The following CLYBL variants were observed in gnomAD, a reference collection of about 807,000 sequenced individuals.
CLYBL encodes the protein citramalyl-CoA lyase, mitochondrial.
A neutral mutation model predicts 38.9 loss-of-function variants in CLYBL; 31 were observed. That is an observed-to-expected ratio of 0.80 (90% CI 0.60 to 1.08). The LOEUF (loss-of-function observed/expected upper bound fraction) is 1.08, where lower values mean the gene tolerates loss of function less well. CLYBL is among the 50% of genes least tolerant of loss of function. CLYBL has a pLI of 0.00. For missense variants in CLYBL, 434 were observed against 411.6 expected, an observed-to-expected ratio of 1.05 and a Z score of -0.47; for synonymous variants, 171 against 158.6, an observed-to-expected ratio of 1.08 and a Z score of -0.59.
intron 1 of CLYBL, among the ~76,000 whole-genome samples, chr13:99,648,084 A>C (rs59326249): frequency 0.043 from 6,592 of 152,234 alleles, 489 homozygotes; most frequent in African/African-American, 0.15. Flanking sequence ...ATGAGAAATG[A>C]AGTTGGCATG....
At chr13:99,788,194 T>C (rs544161033) in intron 2 of CLYBL, among the ~76,000 whole-genome samples, 5,850 of 152,222 alleles carry the variant, frequency 0.038, 353 homozygotes, top group African/African-American at 0.13. Flanking sequence ...CCTTTATTTC[T>C]TTCTCCTGCC....
At chr13:99,761,619 A>G (rs905338763) in intron 1 of CLYBL, among the ~76,000 whole-genome samples, 1 of 152,244 alleles carries the variant, frequency 6.6e-6, no homozygotes, top group Non-Finnish European at 1.5e-5. Context: ...ATAGGGTAGC[A>G]GTGAACATAG....
At chr13:99,742,440 A>G (rs1415371672) in intron 1 of CLYBL, among the ~76,000 whole-genome samples, 1 of 152,188 alleles carries the variant, frequency 6.6e-6, no homozygotes, top group Non-Finnish European at 1.5e-5. Flanking sequence ...TTACTTAAAA[A>G]CAAAACCAGA....
At chr13:99,820,751 T>G (rs753495785) in intron 2 of CLYBL, among the ~76,000 whole-genome samples, 3 of 152,204 alleles carry the variant, frequency 2.0e-5, no homozygotes, top group Non-Finnish European at 4.4e-5. Context: ...AGGTTTCGTG[T>G]GAACTCAGAT....
intron 1 of CLYBL, among the ~76,000 whole-genome samples, chr13:99,731,117 T>TGGAGA (rs1184152948): frequency 6.9e-6 from 1 of 145,340 alleles, no homozygotes; most frequent in African/African-American, 2.6e-5. Context: ...GGCGGGGGCT[T>TGGAGA]GGAGAGGAGA....
At chr13:99,611,360 G>T (rs1158209041) in intron 1 of CLYBL, among the ~76,000 whole-genome samples, 1 of 152,208 alleles carries the variant, frequency 6.6e-6, no homozygotes, top group East Asian at 1.9e-4. Flanking sequence ...TTTTGATCGA[G>T]TGGATTTGAA....
chr13:99,881,582 C>A (rs976749227), intron 7 of CLYBL, among the ~76,000 whole-genome samples: 4 of 151,572 alleles, frequency 2.6e-5, no homozygotes, highest in African/African-American at 9.7e-5. Flanking sequence ...GTCACCACAT[C>A]CAGTTAATTT....
chr13:99,811,403 C>T (rs916316828), intron 2 of CLYBL, among the ~76,000 whole-genome samples: 1 of 152,136 alleles, frequency 6.6e-6, no homozygotes, highest in African/African-American at 2.4e-5. Context: ...ACAGAGCTGG[C>T]GTGGCTCAGC....
At chr13:99,872,779 A>C (rs1235488791) in intron 7 of CLYBL, among the ~76,000 whole-genome samples, 4 of 152,210 alleles carry the variant, frequency 2.6e-5, no homozygotes, top group Non-Finnish European at 5.9e-5. Flanking sequence ...AGTAGCCAAC[A>C]AACAGAAGTC....
At chr13:99,632,886 T>C (rs2046965516) in intron 1 of CLYBL, among the ~76,000 whole-genome samples, 1 of 152,094 alleles carries the variant, frequency 6.6e-6, no homozygotes, top group Admixed American at 6.5e-5. Flanking sequence ...ATAAATACAT[T>C]CAAAGACTTA....
At chr13:99,898,785 C>T (rs986067458), downstream of CLYBL, among the ~76,000 whole-genome samples, 1 of 152,228 alleles carries the variant, frequency 6.6e-6, no homozygotes, top group Non-Finnish European at 1.5e-5. Flanking sequence ...CCCCTAGAGA[C>T]AACTTGCTGC....
intron 1 of CLYBL, among the ~76,000 whole-genome samples, chr13:99,665,871 A>G (rs947361547): frequency 6.6e-6 from 1 of 152,226 alleles, no homozygotes; most frequent in Non-Finnish European, 1.5e-5. Flanking sequence ...GTTTGATGGA[A>G]TTCGCGCCAC....
chr13:99,872,539 C>T (rs550018054), intron 7 of CLYBL, among the ~76,000 whole-genome samples: 3 of 152,172 alleles, frequency 2.0e-5, no homozygotes, highest in Non-Finnish European at 4.4e-5. Flanking sequence ...TGCTCTATAC[C>T]TCTGCTACAA....
At chr13:99,626,994 G>C (rs771596827) in intron 1 of CLYBL, among the ~76,000 whole-genome samples, 4 of 150,462 alleles carry the variant, frequency 2.7e-5, no homozygotes, top group Admixed American at 6.7e-5. Context: ...AGAACTTTCT[G>C]TCCACGGAGT....
chr13:99,665,228 C>T (rs2047463143), intron 1 of CLYBL, among the ~76,000 whole-genome samples: 1 of 151,760 alleles, frequency 6.6e-6, no homozygotes, highest in Non-Finnish European at 1.5e-5. Context: ...ACAGGAAAAT[C>T]TGATTAGTGT....
intron 7 of CLYBL, chr13:99,885,133 G>C: frequency 1.9e-6 from 1 of 523,942 alleles, no homozygotes. Context: ...CCTCCCCACA[G>C]GGGCCTCACA....
intron 1 of CLYBL, among the ~76,000 whole-genome samples, chr13:99,667,542 CAG>C (rs1420351955): frequency 6.8e-6 from 1 of 148,110 alleles, no homozygotes; most frequent in Non-Finnish European, 1.5e-5. Context: ...ATCAGTAAGA[CAG>C]AGAGGGAATG....
At chr13:99,650,117 G>C (rs1316059560) in intron 1 of CLYBL, among the ~76,000 whole-genome samples, 1 of 152,090 alleles carries the variant, frequency 6.6e-6, no homozygotes, top group African/African-American at 2.4e-5. Flanking sequence ...CAAAAAATTA[G>C]CTGGGCGTGG....
chr13:99,855,045 A>G (rs1273207235), intron 2 of CLYBL, among the ~76,000 whole-genome samples: 1 of 152,190 alleles, frequency 6.6e-6, no homozygotes, highest in Non-Finnish European at 1.5e-5. Flanking sequence ...GGCAGAGTCC[A>G]CCTCTGGATC....
Sources: gnomAD v4.1 joint callset for allele counts (sites outside exome capture counted in the v4.1 genomes callset) on GRCh38, gnomAD v4.1.1 for gene constraint, MANE v1.5 for transcripts, NCBI Gene and HGNC (gene_info 2026-07-23, HGNC 2026-07-21) for gene names.